Variants in STK32A observed in about 807,000 individuals in gnomAD.
The protein encoded by STK32A is serine/threonine kinase 32A.
In STK32A, 41 loss-of-function variants were observed where a neutral mutation model predicts 53.2. The observed-to-expected ratio is 0.77, with a 90% confidence interval of 0.60 to 1.00. STK32A has a LOEUF of 1.00. Among genes scored for constraint, STK32A ranks in the 50% least tolerant of loss-of-function variants. The pLI is 0.00. For synonymous variants in STK32A, 166 were observed against 162.8 expected (o/e 1.02, Z -0.15); for missense variants, 458 against 485.8 (o/e 0.94, Z 0.54).
chr5:147,355,792 G>GTGTGTATATATATATATATATA (rs984298293), intron 7 of STK32A, among the ~76,000 whole-genome samples: 5 of 147,848 alleles, frequency 3.4e-5, no homozygotes, highest in African/African-American at 1.3e-4. Flanking sequence ...GTGTGTGTGT[G>GTGTGTATATATATATATATATA]TATATATATA....
chr5:147,317,179 C>A (rs1054363493), intron 4 of STK32A, among the ~76,000 whole-genome samples: 1 of 149,114 alleles, frequency 6.7e-6, no homozygotes, highest in East Asian at 2.0e-4. Flanking sequence ...TAAACTTGAA[C>A]AAGCCTCTAG....
At chr5:147,257,607 C>T (rs1024760276) in intron 2 of STK32A, among the ~76,000 whole-genome samples, 2 of 152,012 alleles carry the variant, frequency 1.3e-5, no homozygotes, top group African/African-American at 4.8e-5. Context: ...CTGGAGGGGG[C>T]AGCGCTTTCT....
chr5:147,339,215 C>G (rs1403462045), intron 5 of STK32A, among the ~76,000 whole-genome samples: 1 of 152,194 alleles, frequency 6.6e-6, no homozygotes, highest in Non-Finnish European at 1.5e-5. Flanking sequence ...GCCCTGCATC[C>G]CAGCTGTTTC....
intron 2 of STK32A, among the ~76,000 whole-genome samples, chr5:147,251,965 G>T (rs981184557): frequency 1.3e-5 from 2 of 152,084 alleles, no homozygotes; most frequent in South Asian, 4.2e-4. Flanking sequence ...CACTTTGGGA[G>T]GCTGAGGCAG....
chr5:147,373,107 T>G (rs576155824), intron 9 of STK32A, 62 bp from the exon 10 acceptor site: 18 of 1,597,376 alleles, frequency 1.1e-5, no homozygotes, highest in Non-Finnish European at 1.5e-5. Flanking sequence ...AGGGAATTTG[T>G]ATGATTTTTT....
intron 1 of STK32A, among the ~76,000 whole-genome samples, chr5:147,238,693 G>A (rs1031131531): frequency 1.5e-4 from 23 of 151,900 alleles, no homozygotes; most frequent in South Asian, 1.0e-3. Flanking sequence ...TATAACATAC[G>A]TATGATATAA....
intron 4 of STK32A, among the ~76,000 whole-genome samples, chr5:147,288,868 T>C (rs1023013947): frequency 6.6e-6 from 1 of 152,186 alleles, no homozygotes. Flanking sequence ...TTAAGTCACA[T>C]GGTTATAAGA....
intron 7 of STK32A, among the ~76,000 whole-genome samples, chr5:147,355,792 G>GTATATATATATATATATATA (rs140534042): frequency 6.8e-6 from 1 of 147,842 alleles, no homozygotes; most frequent in African/African-American, 2.5e-5. Context: ...GTGTGTGTGT[G>GTATATATATATATATATATA]TATATATATA....
chr5:147,331,067 A>G (rs939025487), intron 5 of STK32A, among the ~76,000 whole-genome samples: 1 of 152,198 alleles, frequency 6.6e-6, no homozygotes, highest in Non-Finnish European at 1.5e-5. Context: ...ATTTTAGTCA[A>G]TGATCATTGA....
At chr5:147,337,290 C>T (rs1378806646) in intron 5 of STK32A, among the ~76,000 whole-genome samples, 3 of 152,118 alleles carry the variant, frequency 2.0e-5, no homozygotes, top group African/African-American at 7.2e-5. Context: ...CCTTTATCAC[C>T]CCCAAAATTC....
At chr5:147,305,839 T>A (rs1018259904) in intron 4 of STK32A, among the ~76,000 whole-genome samples, 1 of 151,904 alleles carries the variant, frequency 6.6e-6, no homozygotes, top group African/African-American at 2.4e-5. Context: ...TTAACATTCT[T>A]ATTTGTTCTT....
At chr5:147,276,842 A>C (rs2151953744) in intron 2 of STK32A, among the ~76,000 whole-genome samples, 1 of 152,310 alleles carries the variant, frequency 6.6e-6, no homozygotes, top group South Asian at 2.1e-4. Context: ...GAGTCAGTCC[A>C]ATTTTTTTCT....
chr5:147,303,433 C>G (rs546196500), intron 4 of STK32A, among the ~76,000 whole-genome samples: 2 of 152,174 alleles, frequency 1.3e-5, no homozygotes, highest in Admixed American at 1.3e-4. Flanking sequence ...CTAACAGCAA[C>G]AGCTGACAAA....
the STK32A span, chr5:147,401,431 T>G: frequency 7.8e-7 from 1 of 1,287,722 alleles, no homozygotes; most frequent in Non-Finnish European, 1.0e-6. Flanking sequence ...CTGTTCACAC[T>G]GCAGACTCTG....
intron 4 of STK32A, among the ~76,000 whole-genome samples, chr5:147,311,494 G>C (rs1275063513): frequency 6.6e-6 from 1 of 152,094 alleles, no homozygotes. Context: ...GAGCAATTCA[G>C]GCAAAAAGAA....
intron 4 of STK32A, among the ~76,000 whole-genome samples, chr5:147,323,411 C>T (rs1754413794): frequency 6.6e-6 from 1 of 152,256 alleles, no homozygotes; most frequent in Non-Finnish European, 1.5e-5. Flanking sequence ...TATGTGTTTT[C>T]CTTATCATTA....
Position 147,386,132 on chromosome 5 carries a change from C to G in STK32A, c.*2149C>G, listed in dbSNP as rs1223676596. 6.6e-6 allele frequency: 1 copy of G among 152,276 alleles called. No individual in the cohort carries two copies. Among genetic ancestry groups the G allele is most frequent in the East Asian group, 1.9e-4 (1 of 5,190 alleles). 9.4% of individuals were successfully genotyped at this position (152,276 alleles called of 1,614,324 possible). ...ATTGTTACATAATTAAAAGCCAGCT[C>G]TTTTGTTGTTTGTTTGATTCCTTTT... On this transcript the variant is annotated 3_prime_UTR_variant, in exon 13 of 13. Coordinates refer to ENST00000397936, the MANE Select transcript of STK32A (RefSeq NM_001112724.2).
intron 4 of STK32A, among the ~76,000 whole-genome samples, chr5:147,305,613 A>G (rs1288561805): frequency 1.3e-5 from 2 of 152,148 alleles, no homozygotes; most frequent in East Asian, 3.9e-4. Context: ...TGAGAAAATG[A>G]GAAATTAAAT....
chr5:147,263,319 A>T (rs1754666422), intron 2 of STK32A, among the ~76,000 whole-genome samples: 1 of 152,244 alleles, frequency 6.6e-6, no homozygotes, highest in Non-Finnish European at 1.5e-5. Flanking sequence ...ACACTATAGA[A>T]GTTTATTGCT....
Sources: allele counts gnomAD v4.1 joint callset (sites outside exome capture counted in the v4.1 genomes callset), GRCh38; gene constraint gnomAD v4.1.1; transcripts MANE v1.5; gene names NCBI Gene and HGNC (gene_info 2026-07-23, HGNC 2026-07-21).